Variants in UPK3A observed in about 807,000 individuals in gnomAD.
The protein encoded by UPK3A is uroplakin 3A, also known as uroplakin-3a.
Under a neutral mutation model 27.6 loss-of-function variants are expected in UPK3A, and 32 were observed. The ratio of observed to expected loss-of-function variants is 1.16; its 90% CI spans 0.87 to 1.55. UPK3A has a LOEUF of 1.55. Ranked by LOEUF, UPK3A falls within the 40% of genes most tolerant of loss-of-function variation. The probability of loss-of-function intolerance (pLI) is 0.00; values close to 1 mark genes in which losing one functional copy is unlikely to be tolerated. For synonymous variants in UPK3A, 171 were observed against 163.9 expected (o/e 1.04, Z -0.33); for missense variants, 370 against 367.9 (o/e 1.01, Z -0.05).
Position 45,295,668 on chromosome 22 carries a change from G to A in UPK3A, c.813G>A (p.Arg271=). ...ASESSYTSVN[R]GPPLDRAEVY... ...AGTCTTCCTACACGTCCGTGAACCG[G>A]GGGCCGCCACTGGACAGGGCTGAGG... The change falls in exon 6 of 6, where the codon CGG becomes CGA. Residue 271 remains arginine (R), a synonymous_variant. Transcript: ENST00000216211. The A allele has an allele frequency of 6.2e-7, 1 of 1,613,958 alleles. No individual in the cohort carries two copies. The highest frequency in any genetic ancestry group is 8.5e-7 in the Non-Finnish European group (1 of 1,180,028).
intron 4 of UPK3A, among the ~76,000 whole-genome samples, chr22:45,289,494 C>T (rs1167836187): frequency 1.3e-5 from 2 of 149,910 alleles, no homozygotes; most frequent in African/African-American, 2.5e-5. Context: ...GGGAGAATAG[C>T]GTGAACCCGG....
intron 4 of UPK3A, among the ~76,000 whole-genome samples, chr22:45,291,586 TG>T (rs1310336414): frequency 6.9e-6 from 1 of 145,210 alleles, no homozygotes; most frequent in Non-Finnish European, 1.5e-5. Context: ...GAGTTTGAGT[TG>T]GTGTGTGGTG....
intron 3 of UPK3A, among the ~76,000 whole-genome samples, chr22:45,288,211 T>C (rs2084133223): frequency 6.6e-6 from 1 of 151,974 alleles, no homozygotes; most frequent in Non-Finnish European, 1.5e-5. Flanking sequence ...TTTTTTTTTT[T>C]TGAGATGGAG....
rs773498270 is a variant in UPK3A at position 45,293,331 on chromosome 22, G to A, written c.704+18G>A. ...AGCCTCGTGTAAGTACCTGCCTGCT[G>A]GGAGGGCTGGACCCCAGGGACATGC... is the stretch of plus-strand genomic sequence containing the variant. On this transcript the variant is annotated intron_variant, in intron 5 of 5. Transcript: ENST00000216211. 1.9e-6 allele frequency: 3 copies of A among 1,613,334 alleles called. No individual in the cohort carries two copies. The highest frequency in any genetic ancestry group is 2.2e-5 in the South Asian group (2 of 91,076).
chr22:45,287,357 T>G lies in UPK3A; in HGVS notation c.394T>G (p.Tyr132Asp), dbSNP rs1208325059. The G allele has an allele frequency of 6.2e-7, 1 of 1,613,992 alleles. No individual in the cohort carries two copies. The highest frequency in any genetic ancestry group is 8.5e-7 in the Non-Finnish European group (1 of 1,179,974). Residue 132 changes from tyrosine (Y) to aspartate (D), a missense_variant, in exon 3 of 6, where the codon TAC becomes GAC. Transcript: ENST00000216211. Reference protein sequence around the residue: ...VSKASQILNAYLVRVGANGTC... With the variant: ...VSKASQILNADLVRVGANGTC... ...CAAGGCCTCACAGATCCTGAATGCCTACCTGGTCAGGGTGGGTGCCAACGG... is the reference window on the plus strand; with the variant it reads ...CAAGGCCTCACAGATCCTGAATGCCGACCTGGTCAGGGTGGGTGCCAACGG...
chr22:45,291,669 G>A (rs543340451), intron 4 of UPK3A, among the ~76,000 whole-genome samples: 2,956 of 151,176 alleles, frequency 0.02, 71 homozygotes, highest in African/African-American at 0.068. Flanking sequence ...GGCAGTGTGT[G>A]TGAGTTGGTA....
intron 4 of UPK3A, among the ~76,000 whole-genome samples, chr22:45,289,925 G>A (rs1380738295): frequency 6.6e-6 from 1 of 152,140 alleles, no homozygotes; most frequent in Admixed American, 6.6e-5. Flanking sequence ...CTTACAGTGG[G>A]TTGGCCTCAA....
intron 3 of UPK3A, 33 bp downstream of exon 3, chr22:45,287,484 C>T (rs771435513): frequency 1.9e-5 from 29 of 1,562,470 alleles, no homozygotes; most frequent in East Asian, 1.7e-4. Context: ...AGGAGAGCCG[C>T]GGCAGTTCCC....
chr22:45,293,947 C>T (rs568622605), intron 5 of UPK3A, among the ~76,000 whole-genome samples: 43 of 152,046 alleles, frequency 2.8e-4, no homozygotes, highest in Non-Finnish European at 2.6e-4. Flanking sequence ...TGAGGTCTCC[C>T]GAGGGGTGTA....
At chr22:45,292,584 T>C (rs1195614656) in intron 4 of UPK3A, among the ~76,000 whole-genome samples, 1 of 152,110 alleles carries the variant, frequency 6.6e-6, no homozygotes, top group East Asian at 1.9e-4. Context: ...ACCAGAAGAC[T>C]TGAGTCAGTT....
intron 4 of UPK3A, among the ~76,000 whole-genome samples, chr22:45,290,127 G>A (rs927933232): frequency 6.6e-6 from 1 of 152,210 alleles, no homozygotes; most frequent in Admixed American, 6.5e-5. Flanking sequence ...GAGGTGGAAC[G>A]CCAGGGTGCT....
chr22:45,291,266 G>T (rs2084158572), intron 4 of UPK3A, among the ~76,000 whole-genome samples: 2 of 151,458 alleles, frequency 1.3e-5, no homozygotes, highest in African/African-American at 4.8e-5. Flanking sequence ...GAGTGTGTGT[G>T]GTGTGGGTGG....
At position 45,287,155 on chromosome 22, in the gene UPK3A, C is replaced by T. The variant is rs3747234; in HGVS notation, c.209-17C>T. 2.5e-6 allele frequency: 4 copies of T among 1,613,654 alleles called. No individual in the cohort carries two copies. The highest frequency in any genetic ancestry group is 3.4e-4 in the Middle Eastern group (2 of 5,946). On this transcript the variant is annotated splice_polypyrimidine_tract_variant and intron_variant, in intron 2 of 5. Coordinates refer to ENST00000216211, the MANE Select transcript of UPK3A (RefSeq NM_006953.4). ...CCGGAGTGGCCAGAAGCCTGACTCC[C>T]TGCACCGCCTCTGCAGCCATTTCCA...
At position 45,295,591 on chromosome 22, in the gene UPK3A, C is replaced by T; in HGVS notation, c.736C>T (p.His246Tyr). The T allele has an allele frequency of 6.2e-7, 1 of 1,614,084 alleles. No individual in the cohort carries two copies. The highest frequency in any genetic ancestry group is 8.5e-7 in the Non-Finnish European group (1 of 1,180,042). The change falls in exon 6 of 6, where the codon CAC becomes TAC. Residue 246 changes from histidine (H) to tyrosine (Y), a missense_variant. By Grantham distance (83) the His-to-Tyr change is moderately conservative. Transcript: ENST00000216211. ...GGGGAGTTCTGATGGGGAAACGACT[C>T]ACGACTCCCAAATCACTCAGGAGGC... The part of the protein sequence containing the change: ...DMGSSDGETT[H>Y]DSQITQEAVP...
chr22:45,294,646 C>A (rs569990041), intron 5 of UPK3A, among the ~76,000 whole-genome samples: 1 of 152,268 alleles, frequency 6.6e-6, no homozygotes, highest in African/African-American at 2.4e-5. Flanking sequence ...CAGAACACAG[C>A]AATGTCCCTC....
At chr22:45,285,108 G>A (rs1159981535) in intron 1 of UPK3A, 43 bp downstream of exon 1, 5 of 1,520,718 alleles carry the variant, frequency 3.3e-6, no homozygotes, top group Non-Finnish European at 3.5e-6. Context: ...CAGAAAGAGC[G>A]GGCAGCTCTG....
intron 3 of UPK3A, 127 bp downstream of exon 3, chr22:45,287,578 A>G: frequency 2.4e-6 from 3 of 1,265,620 alleles, no homozygotes; most frequent in Non-Finnish European, 3.3e-6. Context: ...CCCAGGTTCC[A>G]GGCAGGCCAC....
rs2084174512 is a variant in UPK3A, at chr22:45,293,297, A to G, written c.688A>G (p.Ile230Val). Residue 230 changes from isoleucine (I) to valine (V), a missense_variant, in exon 5 of 6, where the codon ATT (isoleucine) becomes GTT (valine). Transcript: ENST00000216211. ...TCTACTTGTGGGTTTTGCTGGCGCC[A>G]TTGCCCTCAGCCTCGTGTAAGTACC... Reference protein sequence around the residue: ...FFLLVGFAGAIALSLVDMGSS... With the variant: ...FFLLVGFAGAVALSLVDMGSS... The G allele has an allele frequency of 6.2e-7, 1 of 1,613,914 alleles. No individual in the cohort carries two copies. Among genetic ancestry groups the G allele is most frequent in the Non-Finnish European group, 8.5e-7 (1 of 1,180,016 alleles).
intron 4 of UPK3A, among the ~76,000 whole-genome samples, chr22:45,292,191 C>T: frequency 6.6e-6 from 1 of 152,192 alleles, no homozygotes; most frequent in East Asian, 1.9e-4. Flanking sequence ...TCTTGATGGG[C>T]CTCTGCAGCA....
Sources: allele counts gnomAD v4.1 joint callset (sites outside exome capture counted in the v4.1 genomes callset), GRCh38; gene constraint gnomAD v4.1.1; transcripts MANE v1.5; gene names NCBI Gene and HGNC (gene_info 2026-07-23, HGNC 2026-07-21).